Variants in FAM227B observed in about 807,000 individuals in gnomAD.
FAM227B encodes the protein protein FAM227B.
Under a neutral mutation model 73.8 loss-of-function variants are expected in FAM227B, and 88 were observed. That is an observed-to-expected ratio of 1.19 (90% CI 1.00 to 1.42). The LOEUF (loss-of-function observed/expected upper bound fraction) is 1.42, where lower values mean the gene tolerates loss of function less well. Ranked by LOEUF, FAM227B falls within the 40% of genes most tolerant of loss-of-function variation. The probability of loss-of-function intolerance (pLI) is 0.00; values close to 1 mark genes in which losing one functional copy is unlikely to be tolerated. For synonymous variants in FAM227B, 210 were observed against 190.5 expected, an observed-to-expected ratio of 1.10 and a Z score of -0.84; for missense variants, 632 against 590.9, an observed-to-expected ratio of 1.07 and a Z score of -0.72.
intron 3 of FAM227B, among the ~76,000 whole-genome samples, chr15:49,592,738 G>A (rs113387855): frequency 1.3e-5 from 2 of 152,318 alleles, no homozygotes; most frequent in Non-Finnish European, 2.9e-5. Flanking sequence ...AGATAGGGAC[G>A]TTTAAGTCTG....
chr15:49,608,780 T>C (rs2077689957), intron 3 of FAM227B, among the ~76,000 whole-genome samples: 1 of 151,770 alleles, frequency 6.6e-6, no homozygotes, highest in African/African-American at 2.4e-5. Context: ...TTAACAAAAA[T>C]TAACATTGAT....
chr15:49,614,130 G>A (rs564575638), intron 2 of FAM227B, among the ~76,000 whole-genome samples: 1 of 152,034 alleles, frequency 6.6e-6, no homozygotes, highest in Non-Finnish European at 1.5e-5. Context: ...TTAAATTAAA[G>A]GGAATTAGAA....
intron 11 of FAM227B, among the ~76,000 whole-genome samples, chr15:49,464,532 A>G (rs1419293429): frequency 1.3e-5 from 2 of 152,194 alleles, no homozygotes; most frequent in Non-Finnish European, 2.9e-5. Context: ...GAACATTTAT[A>G]TATAGGTAGG....
intron 11 of FAM227B, chr15:49,487,793 T>C (rs1435693279): frequency 6.6e-6 from 1 of 151,960 alleles, no homozygotes; most frequent in East Asian, 1.9e-4. Flanking sequence ...CTCCATAATA[T>C]ATTTGTGGTT....
intron 11 of FAM227B, among the ~76,000 whole-genome samples, chr15:49,445,761 G>T (rs1430596769): frequency 1.3e-5 from 2 of 151,476 alleles, no homozygotes; most frequent in Non-Finnish European, 3.0e-5. Flanking sequence ...TCTGTTTAAA[G>T]TCCTGCTCAT....
Position 49,576,811 on chromosome 15 carries a change from A to C in FAM227B, c.476T>G (p.Leu159Arg). ...CSFTGFKANE[L>R]TQLPRHLDAE... ...ATCCAAATGTCTGGGTAGCTGAGTA[A>C]GTTCATTTGCTTTGAATCCTGTGAA... The change falls in exon 7 of 16, where the codon CTT (leucine) becomes CGT (arginine). Residue 159 changes from leucine (L) to arginine (R), a missense_variant. By Grantham distance (102) the Leu-to-Arg change is moderately radical. Transcript: ENST00000299338. 6.2e-7 allele frequency: 1 copy of C among 1,613,032 alleles called. No individual in the cohort carries two copies. The highest frequency in any genetic ancestry group is 8.5e-7 in the Non-Finnish European group (1 of 1,179,380).
chr15:49,425,448 CAT>C, intron 11 of FAM227B: 1 of 152,098 alleles, frequency 6.6e-6, no homozygotes, highest in East Asian at 1.9e-4. Context: ...CACACCTCAA[CAT>C]GTACATTAAG....
intron 13 of FAM227B, among the ~76,000 whole-genome samples, chr15:49,355,887 A>C (rs963718824): frequency 6.6e-6 from 1 of 152,162 alleles, no homozygotes; most frequent in African/African-American, 2.4e-5. Context: ...CTAACAGTGG[A>C]TCTCTCGGCA....
chr15:49,616,581 T>C (rs533463021), intron 1 of FAM227B, among the ~76,000 whole-genome samples: 1 of 152,268 alleles, frequency 6.6e-6, no homozygotes, highest in Admixed American at 6.5e-5. Context: ...GAGGCCTCAC[T>C]AGAAACTCAC....
chr15:49,508,336 T>G lies in FAM227B; in HGVS notation c.887A>C (p.Gln296Pro). The G allele has an allele frequency of 6.3e-7, 1 of 1,598,946 alleles. No homozygotes were observed. The change falls in exon 11 of 16, where the codon CAA becomes CCA. Residue 296 changes from glutamine to proline, a missense_variant. Gln to Pro is a moderately conservative substitution (Grantham distance 76). Transcript: ENST00000299338. The stretch of plus-strand genomic sequence containing the variant: ...TTTCCAGTGGATCCAAAAGCCTTTT[T>G]GAGGTTTTAAACCTGTTAATATAAA... ...IFLWCSGLKP[Q>P]KGFWIHWKLK...
intron 14 of FAM227B, among the ~76,000 whole-genome samples, chr15:49,334,918 A>G (rs1397132029): frequency 6.6e-6 from 1 of 152,212 alleles, no homozygotes; most frequent in African/African-American, 2.4e-5. Flanking sequence ...TTCCTAGCAC[A>G]TAAGATTACC....
intron 11 of FAM227B, among the ~76,000 whole-genome samples, chr15:49,489,803 T>TTATATATATATATATTATA (rs2056749768): frequency 1.7e-5 from 1 of 57,276 alleles, no homozygotes; most frequent in African/African-American, 5.5e-5. Context: ...TATATATATT[T>TTATATATATATATATTATA]TATATATATA....
chr15:49,360,178 ATG>A (rs1048988163), intron 13 of FAM227B, among the ~76,000 whole-genome samples: 2 of 151,486 alleles, frequency 1.3e-5, no homozygotes, highest in African/African-American at 2.4e-5. Context: ...AGCATGGCAC[ATG>A]TATACATATG....
intron 11 of FAM227B, among the ~76,000 whole-genome samples, chr15:49,399,484 C>A (rs2047960721): frequency 6.7e-6 from 1 of 148,486 alleles, no homozygotes; most frequent in Non-Finnish European, 1.5e-5. Flanking sequence ...AGGGAATCCT[C>A]CCTAACTCAT....
chr15:49,589,700 G>A lies in FAM227B; in HGVS notation c.337+76C>T, dbSNP rs1280918676. On this transcript the variant is annotated intron_variant, in intron 4 of 15. Coordinates refer to ENST00000299338, the MANE Select transcript of FAM227B (RefSeq NM_152647.3). ...GGGTGACTCAGGAGGATCACTTGAG[G>A]CCAAGATTTGGAGACCAGCCTGGGA... 7.6e-6 allele frequency: 7 copies of A among 920,312 alleles called. No homozygotes were observed. The East Asian group carries it at 1.8e-4, about 24-fold the overall frequency. 57.0% of individuals were successfully genotyped at this position (920,312 alleles called of 1,614,324 possible). A position where few individuals can be genotyped will look rare whatever the true frequency, so the allele number is the denominator to read the frequency against.
In FAM227B at chr15:49,345,787, A is replaced by G. The variant is rs553495785; in HGVS notation, c.1272-10291T>C. Among the ~76,000 whole-genome samples the G allele has an allele frequency of 4.2e-4, 64 of 152,328 alleles. 1 individual carries two copies. The highest frequency in any genetic ancestry group is 4.1e-3 in the Admixed American group (62 of 15,304). On this transcript the variant is annotated intron_variant, in intron 13 of 15. Coordinates refer to ENST00000299338, the MANE Select transcript of FAM227B (RefSeq NM_152647.3). ...ACTCTGGGGTCTTTCATCTCCCTTT[A>G]TAATCACAGAATATTAGAGAAACAA... is the stretch of plus-strand genomic sequence containing the variant.
At chr15:49,408,294 C>A (rs2048654046) in intron 11 of FAM227B, among the ~76,000 whole-genome samples, 1 of 152,310 alleles carries the variant, frequency 6.6e-6, no homozygotes, top group Non-Finnish European at 1.5e-5. Context: ...ATGATATAAT[C>A]TGATGCCAAT....
chr15:49,361,187 T>C (rs2044166891), intron 13 of FAM227B, among the ~76,000 whole-genome samples: 1 of 152,174 alleles, frequency 6.6e-6, no homozygotes, highest in African/African-American at 2.4e-5. Context: ...ACAATTATAA[T>C]TTGTCAATTA....
chr15:49,500,476 A>G (rs1288870997), intron 11 of FAM227B, among the ~76,000 whole-genome samples: 1 of 152,264 alleles, frequency 6.6e-6, no homozygotes, highest in Non-Finnish European at 1.5e-5. Flanking sequence ...GCTTTAAGAT[A>G]CATGGATGGC....
Sources: gnomAD v4.1 joint callset for allele counts (sites outside exome capture counted in the v4.1 genomes callset) on GRCh38, gnomAD v4.1.1 for gene constraint, MANE v1.5 for transcripts, NCBI Gene and HGNC (gene_info 2026-07-23, HGNC 2026-07-21) for gene names.